COL23A1: variants seen among roughly 807,000 people sequenced by gnomAD.
The protein encoded by COL23A1 is collagen alpha-1(XXIII) chain.
COL23A1 carries 97 observed loss-of-function variants against 99.3 expected under a neutral mutation model. The ratio of observed to expected loss-of-function variants is 0.98; its 90% CI spans 0.83 to 1.16. The LOEUF (loss-of-function observed/expected upper bound fraction) is 1.16. Ranked by LOEUF, COL23A1 falls within the 50% of genes most tolerant of loss-of-function variation. The pLI is 0.00. For missense variants in COL23A1, 762 were observed against 757.4 expected (o/e 1.01, Z -0.07); for synonymous variants, 320 against 308.2 (o/e 1.04, Z -0.40).
At chr5:178,337,384 G>A (rs544374703) in intron 2 of COL23A1, among the ~76,000 whole-genome samples, 6 of 152,318 alleles carry the variant, frequency 3.9e-5, no homozygotes, top group South Asian at 2.1e-4. Flanking sequence ...CTCTGGAGGC[G>A]GGCTCTAATG....
rs116109519 is a variant in COL23A1, at chr5:178,334,666, A to G, written c.362-27747T>C. On this transcript the variant is annotated intron_variant, in intron 2 of 28. Coordinates refer to ENST00000390654, the MANE Select transcript of COL23A1 (RefSeq NM_173465.4). The stretch of plus-strand genomic sequence containing the variant: ...GACACTTCCCAAGAAAATTACCTAC[A>G]TGGGTCTTGTCACCTACCTGCCATC... Among the ~76,000 whole-genome samples, 535 of 152,260 alleles carry G rather than the reference A, an allele frequency of 3.5e-3. 2 individuals are homozygous for G. Among genetic ancestry groups the G allele is most frequent in the Middle Eastern group, 0.031 (9 of 294 alleles).
chr5:178,476,670 G>A (rs1278292545), intron 2 of COL23A1, among the ~76,000 whole-genome samples: 1 of 152,206 alleles, frequency 6.6e-6, no homozygotes, highest in Non-Finnish European at 1.5e-5. Flanking sequence ...AGCATTCTGT[G>A]AACTCCACAA....
At chr5:178,453,416 C>A (rs1472090228) in intron 2 of COL23A1, among the ~76,000 whole-genome samples, 1 of 152,204 alleles carries the variant, frequency 6.6e-6, no homozygotes, top group East Asian at 1.9e-4. Flanking sequence ...TAGCCACTCA[C>A]TTTCTGAGTC....
At chr5:178,302,270 T>G (rs879931835) in intron 3 of COL23A1, among the ~76,000 whole-genome samples, 8 of 141,662 alleles carry the variant, frequency 5.6e-5, no homozygotes, top group African/African-American at 7.9e-5. Context: ...GGAGCACGGC[T>G]TCAATCCACC....
At position 178,366,846 on chromosome 5, in the gene COL23A1, A is replaced by G. The variant is rs1762510504; in HGVS notation, c.362-59927T>C. The stretch of plus-strand genomic sequence containing the variant: ...TTTCTGACTCCTTCACCCAGGAAGC[A>G]GGGTCCTGCCCTCCTCTGCAGCCCC... On this transcript the variant is annotated intron_variant, in intron 2 of 28. Coordinates refer to ENST00000390654, the MANE Select transcript of COL23A1 (RefSeq NM_173465.4). This position sits in a 1 kb window ranked among gnomAD's most constrained non-coding sequence, Gnocchi z 4.4. 6.6e-6 allele frequency among the ~76,000 whole-genome samples: 1 copy of G among 152,198 alleles called. No individual in the cohort carries two copies.
intron 2 of COL23A1, among the ~76,000 whole-genome samples, chr5:178,408,497 AAT>A (rs966867520): frequency 6.6e-6 from 1 of 152,224 alleles, no homozygotes; most frequent in African/African-American, 2.4e-5. Context: ...TGTGGTTCTC[AAT>A]ATATGTACAG....
chr5:178,252,207 C>A (rs1207894765), intron 17 of COL23A1, among the ~76,000 whole-genome samples: 1 of 152,182 alleles, frequency 6.6e-6, no homozygotes, highest in East Asian at 1.9e-4. Context: ...TGAGCCACCA[C>A]GCCCAGCCCA....
chr5:178,301,955 TG>T (rs1758066903), intron 3 of COL23A1, among the ~76,000 whole-genome samples: 2 of 39,120 alleles, frequency 5.1e-5, no homozygotes, highest in East Asian at 3.3e-4. Flanking sequence ...GCTTCAATGC[TG>T]CACCTCTGTG....
chr5:178,443,560 A>G (rs1280147156), intron 2 of COL23A1, among the ~76,000 whole-genome samples: 2 of 152,096 alleles, frequency 1.3e-5, no homozygotes, highest in African/African-American at 4.8e-5. Flanking sequence ...TCCCAGGTTC[A>G]AGTGATTCTT....
At chr5:178,284,390 G>A (rs888564523) in intron 5 of COL23A1, among the ~76,000 whole-genome samples, 2 of 152,060 alleles carry the variant, frequency 1.3e-5, no homozygotes, top group African/African-American at 4.8e-5. Context: ...ACTTATATTG[G>A]CATAGCTTTA....
intron 2 of COL23A1, among the ~76,000 whole-genome samples, chr5:178,536,216 C>T (rs1760931667): frequency 6.6e-6 from 1 of 152,250 alleles, no homozygotes; most frequent in Non-Finnish European, 1.5e-5. Context: ...GCTCATGCCG[C>T]AGGGGTGCTC....
At position 178,415,962 on chromosome 5, in the gene COL23A1, T is replaced by C. The variant is rs1765283584; in HGVS notation, c.362-109043A>G. Among the ~76,000 whole-genome samples, 1 of 151,998 alleles carries C rather than the reference T, an allele frequency of 6.6e-6. No homozygotes were observed. Among genetic ancestry groups the C allele is most frequent in the Admixed American group, 6.6e-5 (1 of 15,266 alleles). ...AGGAGGTGAAGTCAGAGCTGGGCCC[T>C]GAAGGATGGGACCAGGGAGGGCGGA... On this transcript the variant is annotated intron_variant, in intron 2 of 28. Coordinates refer to ENST00000390654, the MANE Select transcript of COL23A1 (RefSeq NM_173465.4). This position sits in a 1 kb window ranked among gnomAD's most constrained non-coding sequence, Gnocchi z 4.6.
intron 2 of COL23A1, among the ~76,000 whole-genome samples, chr5:178,516,203 CTGTT>C (rs1351835691): frequency 2.6e-5 from 4 of 152,094 alleles, no homozygotes; most frequent in African/African-American, 9.7e-5. Context: ...ACCTCCCTCA[CTGTT>C]TGCCCCTCTC....
intron 2 of COL23A1, among the ~76,000 whole-genome samples, chr5:178,414,672 TGA>T (rs1167526932): frequency 6.6e-6 from 1 of 152,190 alleles, no homozygotes; most frequent in African/African-American, 2.4e-5. Context: ...CTTGGGAGGC[TGA>T]GTCAGGAGAA....
Position 178,444,183 on chromosome 5 carries a change from G to A in COL23A1, c.361+116499C>T, listed in dbSNP as rs1482219246. On this transcript the variant is annotated intron_variant, in intron 2 of 28. Transcript: ENST00000390654. ...ATTGCACCACGGCCGGGGTTACAGA[G>A]CAAGATTCTGTCTCAATAAAAAATA... Among the ~76,000 whole-genome samples the A allele has an allele frequency of 2.0e-5, 3 of 152,120 alleles. No homozygotes were observed. In the East Asian group the frequency reaches 5.8e-4, roughly 29 times the overall value.
intron 6 of COL23A1, among the ~76,000 whole-genome samples, chr5:178,269,738 T>A (rs1756174756): frequency 1.4e-5 from 2 of 143,330 alleles, no homozygotes; most frequent in South Asian, 4.5e-4. Flanking sequence ...TCCACCCACC[T>A]ACCCATCCAC....
At chr5:178,249,716 A>ACACACTCACTCTCTCTCT in intron 18 of COL23A1, among the ~76,000 whole-genome samples, 175 of 92,798 alleles carry the variant, frequency 1.9e-3, no homozygotes, top group East Asian at 0.011. Context: ...ACACACACAC[A>ACACACTCACTCTCTCTCT]CTCTCTCTCT....
In COL23A1 at chr5:178,305,346, G is replaced by A. The variant is rs141581844; in HGVS notation, c.406+1529C>T. 4.2e-3 allele frequency among the ~76,000 whole-genome samples: 634 copies of A among 152,096 alleles called. 5 individuals carry two copies. The highest frequency in any genetic ancestry group is 6.6e-3 in the Non-Finnish European group (446 of 68,008). On this transcript the variant is annotated intron_variant, in intron 3 of 28. Coordinates refer to ENST00000390654, the MANE Select transcript of COL23A1 (RefSeq NM_173465.4). ...TGGAACAAGGAGGCAGAAAGCCTGCGCCCAGCTCCAGGGAGAAGAGTCTGA... is the reference window on the plus strand; with the variant it reads ...TGGAACAAGGAGGCAGAAAGCCTGCACCCAGCTCCAGGGAGAAGAGTCTGA...
At chr5:178,581,447 T>TC (rs1763653671) in intron 1 of COL23A1, among the ~76,000 whole-genome samples, 1 of 151,548 alleles carries the variant, frequency 6.6e-6, no homozygotes, top group Admixed American at 6.6e-5. Flanking sequence ...ACACCTGTAA[T>TC]CCCAGCTACT....
Sources: allele counts gnomAD v4.1 joint callset (sites outside exome capture counted in the v4.1 genomes callset), GRCh38; gene constraint gnomAD v4.1.1; non-coding constraint Gnocchi (gnomAD v3.1); transcripts MANE v1.5; gene names NCBI Gene and HGNC (gene_info 2026-07-23, HGNC 2026-07-21).